The following NTNG1 variants were observed in gnomAD, a reference collection of about 807,000 sequenced individuals.
The protein encoded by NTNG1 is netrin-G1.
A neutral mutation model predicts 54.0 loss-of-function variants in NTNG1; 16 were observed. That is an observed-to-expected ratio of 0.30 (90% confidence interval 0.20 to 0.45). The LOEUF (loss-of-function observed/expected upper bound fraction) is 0.45, where lower values mean the gene tolerates loss of function less well. Ranked by LOEUF, NTNG1 falls within the 20% of genes least tolerant of loss-of-function variation. The pLI, the probability that NTNG1 is intolerant of heterozygous loss-of-function variation, is 1.00. For synonymous variants in NTNG1, 255 were observed against 263.1 expected (o/e 0.97, Z 0.30); for missense variants, 530 against 678.7 (o/e 0.78, Z 2.43).
chr1:107,327,235 G>C (rs1668012153), intron 3 of NTNG1, among the ~76,000 whole-genome samples: 1 of 152,140 alleles, frequency 6.6e-6, no homozygotes, highest in South Asian at 2.1e-4. Context: ...TACTGCACTA[G>C]GCACCAGATG....
At chr1:107,430,597 A>C in intron 5 of NTNG1, 153 bp from the exon 6 acceptor site, 1 of 818,010 alleles carries the variant, frequency 1.2e-6, no homozygotes, top group East Asian at 2.4e-5. Flanking sequence ...TGCCAGTCAC[A>C]ACCACCTGTT....
At chr1:107,383,286 CTG>C (rs1671758861) in intron 3 of NTNG1, among the ~76,000 whole-genome samples, 1 of 152,176 alleles carries the variant, frequency 6.6e-6, no homozygotes, top group Non-Finnish European at 1.5e-5. Context: ...TGCCTGAACT[CTG>C]TGGCTTTGCA....
intron 4 of NTNG1, among the ~76,000 whole-genome samples, chr1:107,401,394 T>C (rs1392364693): frequency 6.6e-6 from 1 of 152,190 alleles, no homozygotes; most frequent in Non-Finnish European, 1.5e-5. Context: ...ATCTATTGTC[T>C]GTGGTCCCTC....
At chr1:107,428,411 G>T (rs1313714499) in intron 5 of NTNG1, among the ~76,000 whole-genome samples, 1 of 151,862 alleles carries the variant, frequency 6.6e-6, no homozygotes, top group Non-Finnish European at 1.5e-5. Context: ...TACTAAATAA[G>T]CTTCCAGGCC....
At chr1:107,414,213 G>A (rs1674040643) in intron 5 of NTNG1, among the ~76,000 whole-genome samples, 1 of 152,116 alleles carries the variant, frequency 6.6e-6, no homozygotes, top group Non-Finnish European at 1.5e-5. Context: ...AATGCAGTGA[G>A]CTTTCCTTGG....
chr1:107,371,110 C>T (rs955706521), intron 3 of NTNG1, among the ~76,000 whole-genome samples: 2 of 151,978 alleles, frequency 1.3e-5, no homozygotes, highest in African/African-American at 4.8e-5. Flanking sequence ...TATAGGTGTT[C>T]GTTTATCATT....
At chr1:107,417,922 A>T (rs969230742) in intron 5 of NTNG1, among the ~76,000 whole-genome samples, 1 of 151,996 alleles carries the variant, frequency 6.6e-6, no homozygotes, top group African/African-American at 2.4e-5. Flanking sequence ...CTGCATTGAA[A>T]CCAATAACTC....
intron 2 of NTNG1, among the ~76,000 whole-genome samples, chr1:107,198,600 T>G (rs553809598): frequency 3.3e-5 from 5 of 151,992 alleles, no homozygotes; most frequent in African/African-American, 1.2e-4. Context: ...TTTTGTGTTT[T>G]GGGGAGAGTA....
chr1:107,332,355 A>G (rs1473737084), intron 3 of NTNG1, among the ~76,000 whole-genome samples: 2 of 152,098 alleles, frequency 1.3e-5, no homozygotes, highest in Non-Finnish European at 2.9e-5. Flanking sequence ...CTCTTTTTTA[A>G]GAAACATAAG....
chr1:107,192,909 A>T (rs548818535), intron 2 of NTNG1, among the ~76,000 whole-genome samples: 1 of 152,190 alleles, frequency 6.6e-6, no homozygotes, highest in South Asian at 2.1e-4. Flanking sequence ...AATGAGAATC[A>T]TTGACTAATT....
intron 2 of NTNG1, among the ~76,000 whole-genome samples, chr1:107,289,909 AG>A (rs1665470133): frequency 6.6e-6 from 1 of 152,190 alleles, no homozygotes; most frequent in Non-Finnish European, 1.5e-5. Flanking sequence ...CAGTAAACCA[AG>A]GAATATTTTC....
chr1:107,333,601 C>G (rs955170118), intron 3 of NTNG1, among the ~76,000 whole-genome samples: 1 of 151,464 alleles, frequency 6.6e-6, no homozygotes, highest in Non-Finnish European at 1.5e-5. Context: ...CATTGTTGGA[C>G]TCTTTGTAAG....
At chr1:107,332,112 T>A (rs2101899319) in intron 3 of NTNG1, among the ~76,000 whole-genome samples, 1 of 152,236 alleles carries the variant, frequency 6.6e-6, no homozygotes, top group East Asian at 1.9e-4. Context: ...GAGCATATTT[T>A]TAAAATCTAT....
At chr1:107,457,824 A>G (rs1173819971) in intron 7 of NTNG1, among the ~76,000 whole-genome samples, 1 of 152,110 alleles carries the variant, frequency 6.6e-6, no homozygotes, top group Non-Finnish European at 1.5e-5. Context: ...TTGCCGTAAC[A>G]TCTAAGAAAA....
chr1:107,154,249 C>T (rs1297029287), intron 2 of NTNG1, among the ~76,000 whole-genome samples: 4 of 151,946 alleles, frequency 2.6e-5, no homozygotes, highest in Non-Finnish European at 5.9e-5. Flanking sequence ...AAAATACTAT[C>T]TGGTAGCCAA....
intron 2 of NTNG1, among the ~76,000 whole-genome samples, chr1:107,319,604 G>A (rs561242691): frequency 3.9e-5 from 6 of 152,184 alleles, no homozygotes; most frequent in Admixed American, 2.6e-4. Flanking sequence ...GCAAGGATAA[G>A]CCAGATGCAA....
rs189080153 is a variant in NTNG1, at chr1:107,430,532, G to A, written c.1088-218G>A. 2.3e-4 allele frequency: 155 copies of A among 667,852 alleles called. 2 individuals are homozygous for A. In the East Asian group the frequency reaches 3.5e-3, roughly 15 times the overall value. 41.4% of individuals were successfully genotyped at this position (667,852 alleles called of 1,614,324 possible). On this transcript the variant is annotated intron_variant, in intron 5 of 7. Coordinates refer to ENST00000370068, the MANE Select transcript of NTNG1 (RefSeq NM_001113226.3). Reference sequence around the variant, plus strand: ...GTCTGCCAAGAATTAACAATCTTCAGTCTTGTTCCGAATGTCCGACCTTTC... The same window carrying A: ...GTCTGCCAAGAATTAACAATCTTCAATCTTGTTCCGAATGTCCGACCTTTC...
chr1:107,298,484 A>G (rs1666117417), intron 2 of NTNG1, among the ~76,000 whole-genome samples: 1 of 152,238 alleles, frequency 6.6e-6, no homozygotes, highest in Admixed American at 6.5e-5. Context: ...AGCAGAGAAT[A>G]TGCCATCCAA....
chr1:107,301,438 T>G lies in NTNG1; in HGVS notation c.247-22844T>G, dbSNP rs150041900. 4.6e-4 allele frequency among the ~76,000 whole-genome samples: 70 copies of G among 152,218 alleles called. No homozygotes were observed. The East Asian group carries it at 0.013, about 27-fold the overall frequency. ...GGGAATATCCACCTAAAACATGATC[T>G]CCTCCTCCTCCTGGCTGACTTCAAA... On this transcript the variant is annotated intron_variant, in intron 2 of 7. Transcript: ENST00000370068.
Sources: gnomAD v4.1 joint callset for allele counts (sites outside exome capture counted in the v4.1 genomes callset) on GRCh38, gnomAD v4.1.1 for gene constraint, MANE v1.5 for transcripts, NCBI Gene and HGNC (gene_info 2026-07-23, HGNC 2026-07-21) for gene names.